The following TAFA2 variants were observed in gnomAD, a reference collection of about 807,000 sequenced individuals.
TAFA2 encodes chemokine-like protein TAFA-2.
A neutral mutation model predicts 18.8 loss-of-function variants in TAFA2; 7 were observed. That is an observed-to-expected ratio of 0.37 (90% confidence interval 0.21 to 0.70). The LOEUF is 0.70. TAFA2 is among the 30% of genes least tolerant of loss of function. The probability of loss-of-function intolerance (pLI) is 0.53; values close to 1 mark genes in which losing one functional copy is unlikely to be tolerated. For synonymous variants in TAFA2, 60 were observed against 54.2 expected, an observed-to-expected ratio of 1.11 and a Z score of -0.47; for missense variants, 122 against 158.1, an observed-to-expected ratio of 0.77 and a Z score of 1.23.
chr12:62,105,356 T>C (rs17713954), intron 1 of TAFA2, among the ~76,000 whole-genome samples: 17,203 of 152,204 alleles, frequency 0.11, 1,106 homozygotes, highest in Non-Finnish European at 0.14. Flanking sequence ...TAATAAGCCT[T>C]TGTTTTCCTG....
chr12:61,956,631 T>TAAAA lies in TAFA2; in HGVS notation c.-1-89209_-1-89206dup, dbSNP rs34261945. The stretch of plus-strand genomic sequence containing the variant: ...GTAGTAGAATTTTGTTTTGTTTTGT[T>TAAAA]AAAAAAAAAAAAAAAACAGGTGTGA... On this transcript the variant is annotated intron_variant, in intron 1 of 4. Transcript: ENST00000416284. Among the ~76,000 whole-genome samples, 33 of 142,758 alleles carry TAAAA rather than the reference T, an allele frequency of 2.3e-4. 1 individual carries two copies. Among genetic ancestry groups the TAAAA allele is most frequent in the African/African-American group, 7.1e-4 (28 of 39,208 alleles). The allele number at this position is 142,758 out of a possible 152,430, so 93.7% of individuals were successfully genotyped here.
intron 4 of TAFA2, among the ~76,000 whole-genome samples, chr12:61,716,261 AT>A (rs923596290): frequency 1.3e-5 from 2 of 151,986 alleles, no homozygotes; most frequent in Non-Finnish European, 2.9e-5. Flanking sequence ...ACAGAATTCC[AT>A]TTTTTTCTAA....
chr12:61,856,299 A>T (rs12423850), intron 2 of TAFA2, among the ~76,000 whole-genome samples: 43,308 of 151,916 alleles, frequency 0.29, 6,872 homozygotes, highest in South Asian at 0.4. Context: ...ATTTATAAAG[A>T]GCTCTTATAA....
At chr12:61,993,491 G>T (rs1476952497) in intron 1 of TAFA2, among the ~76,000 whole-genome samples, 1 of 152,004 alleles carries the variant, frequency 6.6e-6, no homozygotes, top group East Asian at 1.9e-4. Context: ...TCATAGCAAG[G>T]GTTAAATGAT....
intron 1 of TAFA2, among the ~76,000 whole-genome samples, chr12:62,167,318 C>G (rs1468130571): frequency 6.6e-6 from 1 of 152,066 alleles, no homozygotes; most frequent in Non-Finnish European, 1.5e-5. Context: ...AAAAAGCAAG[C>G]TTTAAAAACT....
At chr12:61,979,839 T>C (rs1161283053) in intron 1 of TAFA2, among the ~76,000 whole-genome samples, 1 of 152,026 alleles carries the variant, frequency 6.6e-6, no homozygotes, top group Non-Finnish European at 1.5e-5. Flanking sequence ...AAGATGCAGA[T>C]ATGGCAAACG....
At chr12:62,202,822 T>C (rs3086114) in intron 1 of TAFA2, among the ~76,000 whole-genome samples, 17,152 of 61,656 alleles carry the variant, frequency 0.28, 1,420 homozygotes, top group African/African-American at 0.33. Context: ...TGTGTGGTTC[T>C]TTTTTTTTTT....
chr12:61,776,946 T>C (rs1870288576), intron 2 of TAFA2, among the ~76,000 whole-genome samples: 1 of 151,854 alleles, frequency 6.6e-6, no homozygotes, highest in Non-Finnish European at 1.5e-5. Flanking sequence ...AGTGTAGCTT[T>C]ATGCAGGGGA....
At chr12:62,053,217 C>G (rs958609418) in intron 1 of TAFA2, among the ~76,000 whole-genome samples, 5 of 152,114 alleles carry the variant, frequency 3.3e-5, no homozygotes, top group East Asian at 1.9e-4. Flanking sequence ...AATAATTTTC[C>G]TTTCTCCAAG....
intron 1 of TAFA2, among the ~76,000 whole-genome samples, chr12:61,972,305 T>TA (rs35399389): frequency 7.0e-6 from 1 of 143,796 alleles, no homozygotes; most frequent in East Asian, 2.0e-4. Context: ...AGTTGAACCT[T>TA]AAAAAAAAAA....
At chr12:61,894,067 A>C (rs1419645252) in intron 1 of TAFA2, among the ~76,000 whole-genome samples, 3 of 152,186 alleles carry the variant, frequency 2.0e-5, no homozygotes, top group Non-Finnish European at 4.4e-5. Context: ...GTCCAGGCTA[A>C]ACAGGCCTCT....
intron 1 of TAFA2, among the ~76,000 whole-genome samples, chr12:62,024,860 G>T (rs1042586774): frequency 1.3e-5 from 2 of 152,000 alleles, no homozygotes; most frequent in African/African-American, 4.8e-5. Flanking sequence ...TATGAAAAAT[G>T]CTCAACACCA....
intron 1 of TAFA2, among the ~76,000 whole-genome samples, chr12:62,230,444 T>C (rs935760061): frequency 6.6e-6 from 1 of 152,178 alleles, no homozygotes; most frequent in Admixed American, 6.5e-5. Flanking sequence ...TTTTTGAATT[T>C]TCTCTCTAAT....
intron 1 of TAFA2, among the ~76,000 whole-genome samples, chr12:61,992,918 C>T (rs1344429991): frequency 6.6e-6 from 1 of 152,146 alleles, no homozygotes; most frequent in Non-Finnish European, 1.5e-5. Flanking sequence ...AATAATAGCT[C>T]CTACACATTG....
At chr12:62,109,805 CTG>C (rs1051442328) in intron 1 of TAFA2, among the ~76,000 whole-genome samples, 5 of 152,068 alleles carry the variant, frequency 3.3e-5, no homozygotes, top group African/African-American at 9.6e-5. Flanking sequence ...ATAGGAATGC[CTG>C]TGATTTTTGC....
At chr12:62,146,113 G>A (rs1440457086) in intron 1 of TAFA2, among the ~76,000 whole-genome samples, 1 of 151,998 alleles carries the variant, frequency 6.6e-6, no homozygotes, top group East Asian at 1.9e-4. Context: ...CATCTATCCT[G>A]GAGTAACAGT....
chr12:62,071,788 A>C (rs1882637009), intron 1 of TAFA2, among the ~76,000 whole-genome samples: 1 of 152,172 alleles, frequency 6.6e-6, no homozygotes, highest in Non-Finnish European at 1.5e-5. Flanking sequence ...ACTTCTAGAT[A>C]CTTGGCTTGA....
At chr12:61,745,926 A>G (rs1457161517) in intron 4 of TAFA2, among the ~76,000 whole-genome samples, 1 of 152,126 alleles carries the variant, frequency 6.6e-6, no homozygotes, top group Non-Finnish European at 1.5e-5. Flanking sequence ...AAAGAGCTTC[A>G]GAGCATGAGA....
At chr12:62,091,730 C>T (rs188648534) in intron 1 of TAFA2, among the ~76,000 whole-genome samples, 8 of 152,016 alleles carry the variant, frequency 5.3e-5, no homozygotes, top group Admixed American at 3.3e-4. Context: ...CCCAGACCCA[C>T]GATAGTCATT....
Sources: gnomAD v4.1 joint callset for allele counts (sites outside exome capture counted in the v4.1 genomes callset) on GRCh38, gnomAD v4.1.1 for gene constraint, MANE v1.5 for transcripts, NCBI Gene and HGNC (gene_info 2026-07-23, HGNC 2026-07-21) for gene names.